The following RARB variants were observed in gnomAD, a reference collection of about 807,000 sequenced individuals.
RARB encodes HBV-activated protein.
RARB carries 17 observed loss-of-function variants against 51.9 expected under a neutral mutation model. The ratio of observed to expected loss-of-function variants is 0.33; its 90% CI spans 0.22 to 0.49. The LOEUF (loss-of-function observed/expected upper bound fraction) is 0.49. Among genes scored for constraint, RARB ranks in the 20% least tolerant of loss-of-function variants. RARB has a pLI of 0.99. For synonymous variants in RARB, 215 were observed against 195.4 expected (o/e 1.10, Z -0.84); for missense variants, 369 against 550.8 (o/e 0.67, Z 3.30).
intron 2 of RARB, among the ~76,000 whole-genome samples, chr3:24,986,627 A>C (rs1442847072): frequency 1.3e-5 from 2 of 152,186 alleles, no homozygotes; most frequent in Non-Finnish European, 2.9e-5. Flanking sequence ...TTTTTGTTCT[A>C]ATTGATTCAT....
chr3:25,307,512 T>C (rs1273260188), intron 5 of RARB, among the ~76,000 whole-genome samples: 1 of 152,198 alleles, frequency 6.6e-6, no homozygotes, highest in Non-Finnish European at 1.5e-5. Context: ...GCATCTCTGG[T>C]CACAGTTTTT....
At position 25,176,689 on chromosome 3, in the gene RARB, C is replaced by T. The variant is rs114005146; in HGVS notation, c.178+2114C>T. Among the ~76,000 whole-genome samples the T allele has an allele frequency of 7.9e-4, 120 of 152,040 alleles. 1 individual carries two copies. Among genetic ancestry groups the T allele is most frequent in the African/African-American group, 2.7e-3 (114 of 41,472 alleles). ...GATTATAGGCGTGAGCCACCGTGCC[C>T]GGTCTTGGCTACTACTGATTTTAAG... On this transcript the variant is annotated intron_variant, in intron 5 of 11. Transcript: ENST00000383772.
At chr3:24,994,348 T>C (rs1405818388) in intron 2 of RARB, among the ~76,000 whole-genome samples, 1 of 152,088 alleles carries the variant, frequency 6.6e-6, no homozygotes, top group Non-Finnish European at 1.5e-5. Flanking sequence ...AAAAATTGGC[T>C]GTATTTTTCT....
At chr3:25,213,244 C>T (rs867626825) in intron 5 of RARB, among the ~76,000 whole-genome samples, 45 of 152,138 alleles carry the variant, frequency 3.0e-4, no homozygotes, top group African/African-American at 9.9e-4. Flanking sequence ...CCCAAGTCCT[C>T]GCTGTCCTGC....
chr3:24,836,270 C>T (rs941891632), intron 1 of RARB, among the ~76,000 whole-genome samples: 2 of 152,170 alleles, frequency 1.3e-5, no homozygotes, highest in African/African-American at 4.8e-5. Context: ...GCAGCAATGT[C>T]CCAGGATCCT....
intron 3 of RARB, among the ~76,000 whole-genome samples, chr3:25,549,294 T>A (rs1392784652): frequency 6.6e-6 from 1 of 152,064 alleles, no homozygotes; most frequent in Non-Finnish European, 1.5e-5. Context: ...ACTTCTAAGA[T>A]CAATCCTAGA....
chr3:25,174,619 G>T (rs1700707562), intron 5 of RARB: 2 of 1,340,406 alleles, frequency 1.5e-6, no homozygotes, highest in South Asian at 2.3e-5. Context: ...GGGTTGATTG[G>T]ATGAAGGGAC....
At chr3:25,003,328 A>C (rs887375017) in intron 2 of RARB, among the ~76,000 whole-genome samples, 1 of 152,154 alleles carries the variant, frequency 6.6e-6, no homozygotes, top group Admixed American at 6.6e-5. Context: ...GGGAGAGCTC[A>C]GCATGTCAGA....
chr3:25,593,785 T>A, intron 6 of RARB, 78 bp downstream of exon 6: 5 of 1,420,462 alleles, frequency 3.5e-6, no homozygotes, highest in Non-Finnish European at 3.9e-6. Flanking sequence ...AATTCCTCAT[T>A]TCCCTTTTGG....
chr3:25,187,601 C>T (rs1701008025), intron 5 of RARB, among the ~76,000 whole-genome samples: 1 of 151,728 alleles, frequency 6.6e-6, no homozygotes, highest in Non-Finnish European at 1.5e-5. Flanking sequence ...TACTTTTAAT[C>T]TTTGTCTTAA....
chr3:25,403,269 T>C (rs1321290084), intron 5 of RARB, among the ~76,000 whole-genome samples: 1 of 152,138 alleles, frequency 6.6e-6, no homozygotes, highest in Non-Finnish European at 1.5e-5. Flanking sequence ...TGTAATTGGA[T>C]TGTTTGTAAC....
intron 2 of RARB, among the ~76,000 whole-genome samples, chr3:25,046,959 G>A (rs1035846243): frequency 6.6e-6 from 1 of 152,114 alleles, no homozygotes; most frequent in Non-Finnish European, 1.5e-5. Flanking sequence ...AACATAGCAG[G>A]GAGAATGTGC....
intron 3 of RARB, among the ~76,000 whole-genome samples, chr3:25,520,107 C>T (rs1171468280): frequency 2.0e-5 from 3 of 152,202 alleles, no homozygotes; most frequent in African/African-American, 4.8e-5. Context: ...TGCTAAACAA[C>T]AGAGTTGAGT....
At chr3:25,141,401 C>T (rs970682044) in intron 4 of RARB, among the ~76,000 whole-genome samples, 3 of 152,072 alleles carry the variant, frequency 2.0e-5, no homozygotes, top group Non-Finnish European at 4.4e-5. Context: ...TGAAGAAGCA[C>T]CTGACCTATT....
Position 24,993,883 on chromosome 3 carries a change from T to A in RARB, c.-379-66242T>A, listed in dbSNP as rs1049052100. ...AGTATTCCATTGTGTATATATACCATGCTTTCTTTATCCATTAACCTGTTA... is the reference window on the plus strand; with the variant it reads ...AGTATTCCATTGTGTATATATACCAAGCTTTCTTTATCCATTAACCTGTTA... On this transcript the variant is annotated intron_variant, in intron 2 of 11. Transcript: ENST00000383772. Among the ~76,000 whole-genome samples the A allele has an allele frequency of 6.6e-5, 10 of 152,154 alleles. No individual in the cohort carries two copies. In the South Asian group the frequency reaches 2.1e-3, roughly 32 times the overall value.
chr3:25,030,766 T>G (rs1697856487), intron 2 of RARB, among the ~76,000 whole-genome samples: 1 of 152,242 alleles, frequency 6.6e-6, no homozygotes, highest in Admixed American at 6.5e-5. Flanking sequence ...TCGGGTGCTC[T>G]CTTGCATTTA....
At chr3:25,254,259 G>T (rs1559333332) in intron 5 of RARB, among the ~76,000 whole-genome samples, 1 of 152,154 alleles carries the variant, frequency 6.6e-6, no homozygotes, top group Non-Finnish European at 1.5e-5. Flanking sequence ...TGGACTTCAA[G>T]ATTATTTCCT....
intron 5 of RARB, among the ~76,000 whole-genome samples, chr3:25,398,299 C>A (rs1707172217): frequency 6.6e-6 from 1 of 152,070 alleles, no homozygotes; most frequent in African/African-American, 2.4e-5. Flanking sequence ...CACATAAACA[C>A]CCTGGATGCT....
chr3:25,023,126 C>T (rs1207475982), intron 2 of RARB, among the ~76,000 whole-genome samples: 1 of 152,062 alleles, frequency 6.6e-6, no homozygotes, highest in African/African-American at 2.4e-5. Context: ...GTAAGGAGTC[C>T]CCTTTCTGTG....
Sources: gnomAD v4.1 joint callset for allele counts (sites outside exome capture counted in the v4.1 genomes callset) on GRCh38, gnomAD v4.1.1 for gene constraint, MANE v1.5 for transcripts, NCBI Gene and HGNC (gene_info 2026-07-23, HGNC 2026-07-21) for gene names.